RBFOX1: variants seen among roughly 807,000 people sequenced by gnomAD.
RBFOX1 encodes the protein RNA binding protein fox-1 homolog 1.
RBFOX1 carries 8 observed loss-of-function variants against 57.7 expected under a neutral mutation model. The observed-to-expected ratio is 0.14, with a 90% CI of 0.08 to 0.25. RBFOX1 has a LOEUF of 0.25. RBFOX1 is among the 10% of genes least tolerant of loss of function. The probability of loss-of-function intolerance (pLI) is 1.00; values close to 1 mark genes in which losing one functional copy is unlikely to be tolerated. For synonymous variants in RBFOX1, 326 were observed against 222.4 expected (o/e 1.47, Z -4.15); for missense variants, 611 against 548.5 (o/e 1.11, Z -1.14).
At chr16:5,989,723 C>A (rs561645333) in intron 4 of RBFOX1, among the ~76,000 whole-genome samples, 2 of 151,916 alleles carry the variant, frequency 1.3e-5, no homozygotes, top group Non-Finnish European at 1.5e-5. Context: ...ACTCATTTGT[C>A]TCGCTTCTGG....
intron 4 of RBFOX1, among the ~76,000 whole-genome samples, chr16:7,200,343 G>C (rs1201060096): frequency 1.3e-5 from 2 of 152,184 alleles, no homozygotes; most frequent in East Asian, 1.9e-4. Flanking sequence ...TCTTATGGAA[G>C]AGCCTGAATG....
intron 2 of RBFOX1, among the ~76,000 whole-genome samples, chr16:5,572,465 G>T (rs936908583): frequency 2.0e-5 from 3 of 152,118 alleles, no homozygotes; most frequent in Admixed American, 6.5e-5. Flanking sequence ...TCTTCTGTAC[G>T]TGGAAGGATG....
At chr16:6,099,986 A>G (rs1049204110) in intron 1 of RBFOX1, among the ~76,000 whole-genome samples, 2 of 152,216 alleles carry the variant, frequency 1.3e-5, no homozygotes, top group South Asian at 2.1e-4. Context: ...TCCAGGAGCC[A>G]TCTCTAGATA....
intron 7 of RBFOX1, among the ~76,000 whole-genome samples, chr16:7,594,387 A>G (rs1168623453): frequency 6.6e-6 from 1 of 152,212 alleles, no homozygotes; most frequent in Non-Finnish European, 1.5e-5. Context: ...GATTTCACCC[A>G]GTTTACAGTG....
intron 4 of RBFOX1, among the ~76,000 whole-genome samples, chr16:7,235,632 C>T (rs902694606): frequency 1.3e-5 from 2 of 152,144 alleles, no homozygotes; most frequent in African/African-American, 4.8e-5. Flanking sequence ...ATGAATTAGC[C>T]TTTTGTGGGA....
At chr16:7,316,930 T>G (rs1410510316) in intron 4 of RBFOX1, among the ~76,000 whole-genome samples, 2 of 149,740 alleles carry the variant, frequency 1.3e-5, no homozygotes, top group African/African-American at 5.0e-5. Context: ...GACCTAGAGT[T>G]GGATTTTTTG....
intron 2 of RBFOX1, among the ~76,000 whole-genome samples, chr16:6,433,730 G>A (rs111721719): frequency 0.023 from 3,429 of 152,008 alleles, 138 homozygotes; most frequent in African/African-American, 0.077. Context: ...TGTTTCTGGG[G>A]ACTGCCACTT....
intron 3 of RBFOX1, among the ~76,000 whole-genome samples, chr16:6,702,391 TA>T (rs2061989621): frequency 2.0e-5 from 3 of 152,116 alleles, no homozygotes; most frequent in Admixed American, 1.3e-4. Flanking sequence ...CCATCTCTAC[TA>T]AAAATACAAA....
chr16:7,654,265 A>G (rs1004601614), intron 12 of RBFOX1, among the ~76,000 whole-genome samples: 1 of 152,204 alleles, frequency 6.6e-6, no homozygotes, highest in African/African-American at 2.4e-5. Context: ...GATGATTGCA[A>G]ACATCTGGTT....
At chr16:6,518,205 T>G (rs911848463) in intron 2 of RBFOX1, among the ~76,000 whole-genome samples, 1 of 152,192 alleles carries the variant, frequency 6.6e-6, no homozygotes, top group Non-Finnish European at 1.5e-5. Context: ...TGATAAGGTT[T>G]TATTGATTAC....
chr16:6,249,272 A>T (rs2097587955), intron 1 of RBFOX1, among the ~76,000 whole-genome samples: 1 of 152,116 alleles, frequency 6.6e-6, no homozygotes, highest in African/African-American at 2.4e-5. Flanking sequence ...TGTGACCATA[A>T]TCCCAGCACT....
chr16:5,708,014 C>G (rs1473143), intron 3 of RBFOX1, among the ~76,000 whole-genome samples: 104,456 of 151,950 alleles, frequency 0.69, 36,850 homozygotes, highest in African/African-American at 0.74. Flanking sequence ...AAGGGTTCAC[C>G]ACATGGTTAA....
chr16:7,241,663 G>C (rs540661426), intron 4 of RBFOX1, among the ~76,000 whole-genome samples: 1 of 152,122 alleles, frequency 6.6e-6, no homozygotes, highest in East Asian at 1.9e-4. Flanking sequence ...TTTTCAGTAA[G>C]AGTGCATTAC....
rs201081840 is a variant in RBFOX1 at position 7,359,983 on chromosome 16, CA to C, written c.28-158155del. Among the ~76,000 whole-genome samples, 665 of 142,028 alleles carry C rather than the reference CA, an allele frequency of 4.7e-3. 19 individuals carry two copies. Among genetic ancestry groups the C allele is most frequent in the Admixed American group, 0.037 (534 of 14,286 alleles). The allele number at this position is 142,028 out of a possible 152,430, so 93.2% of individuals were successfully genotyped here. A position where few individuals can be genotyped will look rare whatever the true frequency, so the allele number is the denominator to read the frequency against. ...TGGGTGACAGAGCGAGACTCTGTCT[CA>C]AAAAAAAACAAAAAACAAACAAACA... is the stretch of plus-strand genomic sequence containing the variant. On this transcript the variant is annotated intron_variant, in intron 4 of 15. Coordinates refer to ENST00000550418, the MANE Select transcript of RBFOX1 (RefSeq NM_018723.4).
chr16:7,086,621 G>A (rs373046292), intron 4 of RBFOX1, among the ~76,000 whole-genome samples: 2 of 151,998 alleles, frequency 1.3e-5, no homozygotes, highest in East Asian at 1.9e-4. Flanking sequence ...CTTCCAAGCC[G>A]ATGGATTTTG....
At chr16:5,335,188 A>G (rs898305480) in intron 1 of RBFOX1, among the ~76,000 whole-genome samples, 1 of 96,310 alleles carries the variant, frequency 1.0e-5, no homozygotes, top group Non-Finnish European at 2.3e-5. Context: ...CCTCTCTGCA[A>G]TTTAAAAAAT....
intron 4 of RBFOX1, among the ~76,000 whole-genome samples, chr16:7,182,329 A>G (rs558160603): frequency 6.6e-6 from 1 of 152,222 alleles, no homozygotes; most frequent in Admixed American, 6.5e-5. Flanking sequence ...AAAAAAAAAG[A>G]CCAAAAAGTA....
intron 3 of RBFOX1, among the ~76,000 whole-genome samples, chr16:5,760,199 G>A (rs1161936853): frequency 2.6e-5 from 4 of 152,078 alleles, no homozygotes; most frequent in Non-Finnish European, 5.9e-5. Flanking sequence ...ATCATTGAAA[G>A]TCCCACATTC....
chr16:6,509,653 T>C (rs1214660917), intron 2 of RBFOX1, among the ~76,000 whole-genome samples: 1 of 152,108 alleles, frequency 6.6e-6, no homozygotes, highest in African/African-American at 2.4e-5. Context: ...TCAAAAAAAA[T>C]TTAAGTGTAC....
Sources: allele counts gnomAD v4.1 joint callset (sites outside exome capture counted in the v4.1 genomes callset), GRCh38; gene constraint gnomAD v4.1.1; transcripts MANE v1.5; gene names NCBI Gene and HGNC (gene_info 2026-07-23, HGNC 2026-07-21).